The following MSRA variants were observed in gnomAD, a reference collection of about 807,000 sequenced individuals.
MSRA encodes mitochondrial peptide methionine sulfoxide reductase.
MSRA carries 54 observed loss-of-function variants against 31.3 expected under a neutral mutation model. That is an observed-to-expected ratio of 1.73 (90% confidence interval 1.39 to 2.17). MSRA has a LOEUF of 2.17. Among genes scored for constraint, MSRA ranks in the 30% most tolerant of loss-of-function variants. MSRA has a pLI of 0.00. For missense variants in MSRA, 507 were observed against 300.9 expected (o/e 1.69, Z -5.07); for synonymous variants, 169 against 116.5 (o/e 1.45, Z -2.90).
chr8:10,163,876 G>A (rs564304492), intron 1 of MSRA, among the ~76,000 whole-genome samples: 6 of 152,320 alleles, frequency 3.9e-5, no homozygotes, highest in Admixed American at 1.3e-4. Flanking sequence ...TGCCCCAGTC[G>A]GCATTGTCGG....
intron 5 of MSRA, among the ~76,000 whole-genome samples, chr8:10,369,104 T>G (rs571593855): frequency 6.6e-6 from 1 of 152,340 alleles, no homozygotes; most frequent in South Asian, 2.1e-4. Context: ...ATTCAGTTTT[T>G]GGAGAAAAAC....
intron 1 of MSRA, among the ~76,000 whole-genome samples, chr8:10,128,981 CT>C (rs1190353388): frequency 2.0e-5 from 3 of 152,196 alleles, no homozygotes; most frequent in African/African-American, 7.2e-5. Flanking sequence ...ACCCTTTACG[CT>C]ATATAATATG....
At chr8:10,355,459 A>G (rs7841921) in intron 5 of MSRA, among the ~76,000 whole-genome samples, 22,897 of 152,214 alleles carry the variant, frequency 0.15, 2,014 homozygotes, top group African/African-American at 0.24. Flanking sequence ...GGGCATTTCA[A>G]AATTCTGGAG....
At chr8:10,207,243 G>C (rs7843443) in intron 1 of MSRA, among the ~76,000 whole-genome samples, 4 of 152,238 alleles carry the variant, frequency 2.6e-5, no homozygotes, top group South Asian at 2.1e-4. Context: ...GGACCTGGGT[G>C]GGGGGATAAG....
At chr8:10,156,051 G>A (rs376113882) in intron 1 of MSRA, among the ~76,000 whole-genome samples, 2 of 152,226 alleles carry the variant, frequency 1.3e-5, no homozygotes, top group East Asian at 1.9e-4. Context: ...GATGTGATGC[G>A]GTAGGAGGAT....
At chr8:10,282,712 C>G (rs1799687569) in intron 3 of MSRA, among the ~76,000 whole-genome samples, 2 of 152,172 alleles carry the variant, frequency 1.3e-5, no homozygotes, top group Admixed American at 1.3e-4. Flanking sequence ...CAGACCTTAT[C>G]ACTACCAAGT....
In MSRA at chr8:10,194,178, G is replaced by T. The variant is rs537197579; in HGVS notation, c.143-13655G>T. Among the ~76,000 whole-genome samples, 5 of 152,274 alleles carry T rather than the reference G, an allele frequency of 3.3e-5. No homozygotes were observed. The South Asian group carries it at 1.0e-3, about 32-fold the overall frequency. Reference sequence around the variant, plus strand: ...CTCTCTCCTCCAAAGTAAAAAAGGGGTGAACCCACAAATACTTCATTTTTG... The same window carrying T: ...CTCTCTCCTCCAAAGTAAAAAAGGGTTGAACCCACAAATACTTCATTTTTG... On this transcript the variant is annotated intron_variant, in intron 1 of 5. Coordinates refer to ENST00000317173, the MANE Select transcript of MSRA (RefSeq NM_012331.5).
At chr8:10,296,446 C>T (rs1800547472) in intron 3 of MSRA, among the ~76,000 whole-genome samples, 1 of 152,144 alleles carries the variant, frequency 6.6e-6, no homozygotes. Flanking sequence ...TGTTTTGTCA[C>T]AGAGATATTT....
intron 3 of MSRA, among the ~76,000 whole-genome samples, chr8:10,271,765 C>G (rs948233482): frequency 5.5e-5 from 8 of 146,528 alleles, no homozygotes; most frequent in African/African-American, 7.6e-5. Context: ...GTCGCCCAGG[C>G]TGGAGTACAG....
chr8:10,343,117 T>A (rs1803545181), intron 5 of MSRA, among the ~76,000 whole-genome samples: 2 of 151,996 alleles, frequency 1.3e-5, no homozygotes. Flanking sequence ...ACATTTGTAA[T>A]ATTTTAGCAG....
chr8:10,415,512 G>C (rs1045945837), intron 5 of MSRA, among the ~76,000 whole-genome samples: 2 of 151,974 alleles, frequency 1.3e-5, no homozygotes, highest in African/African-American at 2.4e-5. Context: ...AAAATCAGGG[G>C]GTGTGCAGCT....
intron 3 of MSRA, among the ~76,000 whole-genome samples, chr8:10,253,175 T>C (rs1434491548): frequency 6.6e-6 from 1 of 152,204 alleles, no homozygotes; most frequent in Non-Finnish European, 1.5e-5. Flanking sequence ...ATTTAGTGCC[T>C]TTCCTTCCCC....
intron 3 of MSRA, among the ~76,000 whole-genome samples, chr8:10,268,669 A>G (rs1240999233): frequency 1.3e-5 from 2 of 152,232 alleles, no homozygotes; most frequent in Admixed American, 6.5e-5. Context: ...GGCTTCAGAA[A>G]TTTTCTGAAG....
intron 5 of MSRA, among the ~76,000 whole-genome samples, chr8:10,397,349 G>A (rs1318152511): frequency 6.6e-6 from 1 of 152,208 alleles, no homozygotes; most frequent in Non-Finnish European, 1.5e-5. Context: ...ATGTTGCTTG[G>A]GTTGAGCTCA....
intron 1 of MSRA, among the ~76,000 whole-genome samples, chr8:10,123,313 G>A (rs1385907808): frequency 6.6e-6 from 1 of 152,194 alleles, no homozygotes; most frequent in Admixed American, 6.5e-5. Context: ...ATTGTTGGCT[G>A]CATGTATGTT....
Position 10,428,160 on chromosome 8 carries a change from C to T in MSRA, c.556C>T (p.His186Tyr), listed in dbSNP as rs748735992. Residue 186 changes from histidine to tyrosine, a missense_variant, in exon 6 of 6, where the codon CAC (histidine) becomes TAC (tyrosine). Transcript: ENST00000317173. ...TGTGTCCCCACAGGTTCTTTCAGAG[C>T]ACGGCTTCGGCCCCATCACTACCGA... The part of the protein sequence containing the change: ...KENYQKVLSE[H>Y]GFGPITTDIR... 2.2e-5 allele frequency: 36 copies of T among 1,612,566 alleles called. No homozygotes were observed. The highest frequency in any genetic ancestry group is 3.1e-5 in the Non-Finnish European group (36 of 1,179,672).
At chr8:10,110,144 C>T (rs1482064283) in intron 1 of MSRA, among the ~76,000 whole-genome samples, 1 of 152,114 alleles carries the variant, frequency 6.6e-6, no homozygotes. Context: ...CCACAAGGCC[C>T]ACATCTGGAT....
intron 1 of MSRA, among the ~76,000 whole-genome samples, chr8:10,154,989 A>ATG (rs1804022034): frequency 3.4e-5 from 3 of 89,416 alleles, no homozygotes; most frequent in Non-Finnish European, 6.1e-5. Flanking sequence ...TAGTTTGATA[A>ATG]TGTGTATATA....
chr8:10,173,115 A>G (rs963420109), intron 1 of MSRA, among the ~76,000 whole-genome samples: 6 of 152,250 alleles, frequency 3.9e-5, no homozygotes, highest in African/African-American at 1.4e-4. Context: ...TGGGTCTTAC[A>G]GCCCTTTTTC....
Sources: allele counts gnomAD v4.1 joint callset (sites outside exome capture counted in the v4.1 genomes callset), GRCh38; gene constraint gnomAD v4.1.1; transcripts MANE v1.5; gene names NCBI Gene and HGNC (gene_info 2026-07-23, HGNC 2026-07-21).